EYS: variants seen among roughly 807,000 people sequenced by gnomAD.
EYS encodes EGF-like photoreceptor maintenance factor, also known as protein eyes shut homolog.
EYS carries 250 observed loss-of-function variants against 282.1 expected under a neutral mutation model. The observed-to-expected ratio is 0.89, with a 90% confidence interval of 0.80 to 0.98. EYS has a LOEUF of 0.98. EYS is among the 50% of genes least tolerant of loss of function. The pLI is 0.00. For synonymous variants in EYS, 1,355 were observed against 1,282.9 expected, an observed-to-expected ratio of 1.06 and a Z score of -1.20; for missense variants, 4,016 against 3,709.0, an observed-to-expected ratio of 1.08 and a Z score of -2.15.
At chr6:64,645,403 C>T (rs1288024049) in intron 22 of EYS, among the ~76,000 whole-genome samples, 1 of 152,192 alleles carries the variant, frequency 6.6e-6, no homozygotes, top group East Asian at 1.9e-4. Context: ...AATCATGGAT[C>T]TGAAATTGAC....
intron 31 of EYS, among the ~76,000 whole-genome samples, chr6:64,133,611 G>A (rs555358310): frequency 1.2e-4 from 18 of 151,826 alleles, no homozygotes; most frequent in Admixed American, 1.2e-3. Flanking sequence ...TTTTAATGAT[G>A]TTTTAAACTT....
intron 29 of EYS, among the ~76,000 whole-genome samples, chr6:64,319,828 C>T (rs1250425479): frequency 6.6e-6 from 1 of 151,906 alleles, no homozygotes; most frequent in Non-Finnish European, 1.5e-5. Context: ...TTCCCTGCTG[C>T]TGCTGCTGTT....
At chr6:64,439,071 A>G (rs1390204309) in intron 27 of EYS, 91 bp downstream of exon 27, 3 of 684,700 alleles carry the variant, frequency 4.4e-6, no homozygotes, top group East Asian at 3.1e-5. Flanking sequence ...TATAGAGTTA[A>G]GTTTAAATTT....
chr6:63,760,713 T>C (rs1424340227), intron 41 of EYS, among the ~76,000 whole-genome samples: 1 of 151,428 alleles, frequency 6.6e-6, no homozygotes, highest in East Asian at 1.9e-4. Context: ...ATCTTCTATC[T>C]ATACATCCAT....
At chr6:64,935,964 C>A (rs1374440421) in intron 15 of EYS, among the ~76,000 whole-genome samples, 1 of 151,492 alleles carries the variant, frequency 6.6e-6, no homozygotes, top group Non-Finnish European at 1.5e-5. Context: ...ATTACCCAGT[C>A]TAAATCCAGT....
chr6:65,557,123 A>G (rs1456505132), intron 2 of EYS, among the ~76,000 whole-genome samples: 1 of 152,194 alleles, frequency 6.6e-6, no homozygotes, highest in Non-Finnish European at 1.5e-5. Context: ...CAATGTCGCA[A>G]GATCCTTCGG....
intron 29 of EYS, among the ~76,000 whole-genome samples, chr6:64,357,235 T>C (rs1362137980): frequency 2.0e-5 from 3 of 151,694 alleles, no homozygotes; most frequent in Admixed American, 6.6e-5. Context: ...GACAGAATTA[T>C]ATAGACAATT....
chr6:64,444,001 A>G (rs890481952), intron 26 of EYS, among the ~76,000 whole-genome samples: 7 of 152,164 alleles, frequency 4.6e-5, no homozygotes, highest in African/African-American at 1.7e-4. Context: ...ACAGTGTTTT[A>G]AGAAAGTTAG....
At chr6:65,375,585 C>T (rs938407909) in intron 8 of EYS, among the ~76,000 whole-genome samples, 3 of 152,014 alleles carry the variant, frequency 2.0e-5, no homozygotes, top group African/African-American at 7.2e-5. Context: ...TAATAACAAA[C>T]TCCTCTGAGC....
intron 29 of EYS, among the ~76,000 whole-genome samples, chr6:64,350,909 C>A (rs750949552): frequency 1.7e-4 from 26 of 151,406 alleles, no homozygotes; most frequent in Non-Finnish European, 2.8e-4. Context: ...TGAGTTCTCA[C>A]GGTATCTGAT....
intron 12 of EYS, among the ~76,000 whole-genome samples, chr6:65,242,751 T>C (rs889918435): frequency 2.0e-5 from 3 of 152,146 alleles, no homozygotes; most frequent in African/African-American, 7.2e-5. Context: ...ATATTAGGGT[T>C]CCCATTTCTC....
intron 2 of EYS, among the ~76,000 whole-genome samples, chr6:65,606,809 AGATAT>A (rs1249523943): frequency 6.6e-6 from 1 of 151,850 alleles, no homozygotes; most frequent in Non-Finnish European, 1.5e-5. Flanking sequence ...AACCACAGAC[AGATAT>A]AAGTAAAAAA....
At chr6:64,931,997 A>T (rs1350151693) in intron 15 of EYS, among the ~76,000 whole-genome samples, 1 of 152,170 alleles carries the variant, frequency 6.6e-6, no homozygotes, top group African/African-American at 2.4e-5. Context: ...ACTCTTCCAT[A>T]AAAGAAACTT....
chr6:65,693,572 T>A (rs1246402235), intron 1 of EYS, among the ~76,000 whole-genome samples: 1 of 149,630 alleles, frequency 6.7e-6, no homozygotes, highest in Non-Finnish European at 1.5e-5. Context: ...TATTTTACAA[T>A]AAAACCTGCA....
chr6:65,450,427 A>C (rs2150401240), intron 5 of EYS, among the ~76,000 whole-genome samples: 2 of 152,314 alleles, frequency 1.3e-5, no homozygotes, highest in Middle Eastern at 6.8e-3. Flanking sequence ...TCTGGGAATC[A>C]GATGTTGAGA....
chr6:64,201,170 A>G (rs1188232999), intron 31 of EYS, among the ~76,000 whole-genome samples: 2 of 152,168 alleles, frequency 1.3e-5, no homozygotes, highest in African/African-American at 4.8e-5. Flanking sequence ...TATCCATTCA[A>G]GTAAGGATAG....
At chr6:64,544,555 C>A (rs1022047360) in intron 26 of EYS, among the ~76,000 whole-genome samples, 1 of 152,052 alleles carries the variant, frequency 6.6e-6, no homozygotes, top group East Asian at 1.9e-4. Context: ...TTTAAGAATA[C>A]CCTTCAAAAA....
intron 2 of EYS, among the ~76,000 whole-genome samples, chr6:65,552,640 T>C (rs1191023345): frequency 2.6e-5 from 4 of 152,174 alleles, no homozygotes; most frequent in African/African-American, 9.6e-5. Context: ...AGATGCATTC[T>C]CTCTGGCAAT....
intron 29 of EYS, among the ~76,000 whole-genome samples, chr6:64,357,594 G>C (rs1771866846): frequency 6.6e-6 from 1 of 151,530 alleles, no homozygotes. Flanking sequence ...TTGAAAGCCT[G>C]TTGGGAAAGG....
Sources: gnomAD v4.1 joint callset for allele counts (sites outside exome capture counted in the v4.1 genomes callset) on GRCh38, gnomAD v4.1.1 for gene constraint, MANE v1.5 for transcripts, NCBI Gene and HGNC (gene_info 2026-07-23, HGNC 2026-07-21) for gene names.